Variants in CCL19 observed in about 807,000 individuals in gnomAD.
CCL19 encodes the protein C-C motif chemokine 19.
In CCL19, 5 loss-of-function variants were observed where a neutral mutation model predicts 9.7. The observed-to-expected ratio is 0.51, with a 90% CI of 0.27 to 1.08. The LOEUF is 1.08. Ranked by LOEUF, CCL19 falls within the 50% of genes least tolerant of loss-of-function variation. The pLI, the probability that CCL19 is intolerant of heterozygous loss-of-function variation, is 0.12. For synonymous variants in CCL19, 40 were observed against 47.4 expected (o/e 0.84, Z 0.64); for missense variants, 90 against 122.5 (o/e 0.73, Z 1.25).
At chr9:34,690,183 A>T (rs774002446) in intron 2 of CCL19, 27 bp downstream of exon 2, 4 of 1,613,034 alleles carry the variant, frequency 2.5e-6, no homozygotes, top group South Asian at 2.2e-5. Flanking sequence ...ACGGGAGATG[A>T]GGCTAGACAC....
Position 34,689,772 on chromosome 9 carries a change from TC to T in CCL19, c.*46del, listed in dbSNP as rs1381444726. On this transcript the variant is annotated 3_prime_UTR_variant, in exon 4 of 4. Coordinates refer to ENST00000311925, the MANE Select transcript of CCL19 (RefSeq NM_006274.3). This position sits in a 1 kb window ranked among gnomAD's most constrained non-coding sequence, Gnocchi z 4.1. The stretch of plus-strand genomic sequence containing the variant: ...TCGGTTCCCCAGGTTAGGTAATAAT[TC>T]ACAATGCTTGACTCGGACTCCGGGC... 2 of 1,612,362 alleles carry T rather than the reference TC, an allele frequency of 1.2e-6. No homozygotes were observed. The highest frequency in any genetic ancestry group is 1.7e-6 in the Non-Finnish European group (2 of 1,178,740).
At position 34,689,833 on chromosome 9, in the gene CCL19, G is replaced by T; in HGVS notation, c.283C>A (p.Arg95Ser). 1.2e-6 allele frequency: 2 copies of T among 1,614,130 alleles called. No homozygotes were observed. The highest frequency in any genetic ancestry group is 1.7e-6 in the Non-Finnish European group (2 of 1,180,014). The change falls in exon 4 of 4, where the codon CGC becomes AGC. Residue 95 changes from arginine to serine, a missense_variant. Physicochemically the swap from Arg to Ser is moderately radical, Grantham distance 110 (BLOSUM62 -1). Coordinates refer to ENST00000311925, the MANE Select transcript of CCL19 (RefSeq NM_006274.3). The surrounding 1 kb of genome is among the most constrained non-coding windows in gnomAD (Gnocchi z 4.1). ...ACGGTCATAGGTTAACTGCTGCGGCGCTTCATCTAGAGGAGGAAGGAGAGG... is the reference window on the plus strand; with the variant it reads ...ACGGTCATAGGTTAACTGCTGCGGCTCTTCATCTAGAGGAGGAAGGAGAGG... The part of the protein sequence containing the change: ...RLQRTSAKMK[R>S]RSS
chr9:34,689,714 A>T lies in CCL19; in HGVS notation c.*105T>A. ...TCCTGGCTGGTCAGGTCTGGTGCAGAGGAGCTGGAAGCCTGGTCCTTCCTT... is the reference window on the plus strand; with the variant it reads ...TCCTGGCTGGTCAGGTCTGGTGCAGTGGAGCTGGAAGCCTGGTCCTTCCTT... On this transcript the variant is annotated 3_prime_UTR_variant, in exon 4 of 4. Coordinates refer to ENST00000311925, the MANE Select transcript of CCL19 (RefSeq NM_006274.3). This position sits in a 1 kb window ranked among gnomAD's most constrained non-coding sequence, Gnocchi z 4.1. 7.4e-7 allele frequency: 1 copy of T among 1,350,896 alleles called. No homozygotes were observed. Among genetic ancestry groups the T allele is most frequent in the South Asian group, 1.3e-5 (1 of 79,398 alleles). 83.7% of individuals were successfully genotyped at this position (1,350,896 alleles called of 1,614,324 possible).
At chr9:34,690,377 A>G in intron 1 of CCL19, 35 bp from the exon 2 acceptor site, 4 of 1,604,650 alleles carry the variant, frequency 2.5e-6, no homozygotes, top group Non-Finnish European at 3.4e-6. Context: ...GGACACAGGG[A>G]CCCTTGAGGG....
Position 34,691,172 on chromosome 9 carries a change from G to A in CCL19, c.-33C>T. The A allele has an allele frequency of 1.9e-6, 3 of 1,608,006 alleles. 1 individual carries two copies. The South Asian group carries it at 3.3e-5, about 18-fold the overall frequency. On this transcript the variant is annotated 5_prime_UTR_variant, in exon 1 of 4. Transcript: ENST00000311925. ...GAACAGAGGCAGGCCAACGGTGAAT[G>A]TGTGAGCGCCAGCTGTCTGGGTGTG...
At chr9:34,690,423 CCTGTGTGT>C (rs1270227373) in intron 1 of CCL19, 81 bp from the exon 2 acceptor site, 5 of 913,184 alleles carry the variant, frequency 5.5e-6, no homozygotes, top group East Asian at 3.3e-5. Flanking sequence ...ATTGAGGACA[CCTGTGTGT>C]GTGTGTGTGT....
intron 1 of CCL19, 82 bp from the exon 2 acceptor site, chr9:34,690,424 C>CTGTGTGTGTGTG (rs74180568): frequency 0.011 from 6,709 of 607,368 alleles, 59 homozygotes; most frequent in South Asian, 0.018. Context: ...TTGAGGACAC[C>CTGTGTGTGTGTG]TGTGTGTGTG....
In CCL19 at chr9:34,689,602, G is replaced by C; in HGVS notation, c.*217C>G. ...TAAACACCAGGCGGCTTTATTGGTA[G>C]CATTGCAATCTGGGGGTGGAGCAGC... is the stretch of plus-strand genomic sequence containing the variant. On this transcript the variant is annotated 3_prime_UTR_variant, in exon 4 of 4. Transcript: ENST00000311925. The surrounding 1 kb of genome is among the most constrained non-coding windows in gnomAD (Gnocchi z 4.1). 1.7e-6 allele frequency: 1 copy of C among 573,534 alleles called. No individual in the cohort carries two copies. The highest frequency in any genetic ancestry group is 3.1e-6 in the Non-Finnish European group (1 of 322,780). 35.5% of individuals were successfully genotyped at this position (573,534 alleles called of 1,614,324 possible). A position where few individuals can be genotyped will look rare whatever the true frequency, so the allele number is the denominator to read the frequency against.
intron 2 of CCL19, 27 bp downstream of exon 2, chr9:34,690,183 A>G (rs774002446): frequency 6.2e-7 from 1 of 1,613,152 alleles, no homozygotes; most frequent in Non-Finnish European, 8.5e-7. Context: ...ACGGGAGATG[A>G]GGCTAGACAC....
intron 1 of CCL19, among the ~76,000 whole-genome samples, chr9:34,690,814 C>T (rs3176813): frequency 0.11 from 16,662 of 152,116 alleles, 1,041 homozygotes; most frequent in Admixed American, 0.17. Flanking sequence ...GCCTGGGAAA[C>T]GGAGGCAGCA....
chr9:34,690,052 C>A (rs1182980902), intron 2 of CCL19, 29 bp from the exon 3 acceptor site: 1 of 1,607,484 alleles, frequency 6.2e-7, no homozygotes, highest in Non-Finnish European at 8.5e-7. Context: ...GAGAATGGAG[C>A]CCCAGAATCC....
chr9:34,690,125 G>A, intron 2 of CCL19, 85 bp downstream of exon 2: 1 of 1,588,628 alleles, frequency 6.3e-7, no homozygotes, highest in Non-Finnish European at 8.6e-7. Context: ...GGTTGGGCTT[G>A]GCATGGAGAA....
Position 34,689,915 on chromosome 9 carries a change from G to A in CCL19, c.276+15C>T. The A allele has an allele frequency of 6.2e-7, 1 of 1,613,816 alleles. No individual in the cohort carries two copies. The highest frequency in any genetic ancestry group is 8.5e-7 in the Non-Finnish European group (1 of 1,179,682). On this transcript the variant is annotated intron_variant, in intron 3 of 3. Transcript: ENST00000311925. The surrounding 1 kb of genome is among the most constrained non-coding windows in gnomAD (Gnocchi z 4.1). The stretch of plus-strand genomic sequence containing the variant: ...CTCAGAGGGAGGAGACAGGGCCAGG[G>A]AGGGCCAGGCTTGCCTTGGCTGAGG...
At position 34,689,730 on chromosome 9, in the gene CCL19, G is replaced by A. The variant is rs1821772335; in HGVS notation, c.*89C>T. The A allele has an allele frequency of 2.7e-6, 4 of 1,495,494 alleles. No homozygotes were observed. The South Asian group carries it at 3.5e-5, about 13-fold the overall frequency. The allele number at this position is 1,495,494 out of a possible 1,614,324, so 92.6% of individuals were successfully genotyped here. A position where few individuals can be genotyped will look rare whatever the true frequency, so the allele number is the denominator to read the frequency against. ...CTGGTGCAGAGGAGCTGGAAGCCTG[G>A]TCCTTCCTTCTGGTCCTCGGTTCCC... On this transcript the variant is annotated 3_prime_UTR_variant, in exon 4 of 4. Transcript: ENST00000311925. This position sits in a 1 kb window ranked among gnomAD's most constrained non-coding sequence, Gnocchi z 4.1.
At chr9:34,690,374 G>A (rs1196924439) in intron 1 of CCL19, 32 bp from the exon 2 acceptor site, 1 of 1,610,472 alleles carries the variant, frequency 6.2e-7, no homozygotes, top group South Asian at 1.1e-5. Context: ...ACAGGACACA[G>A]GGACCCTTGA....
In CCL19 at chr9:34,691,225, G is replaced by T; in HGVS notation, c.-86C>A. ...CAGGATCTGTGTGAGGCTGCAGGGC[G>T]ACTGGGATGCAGGGGTGAAATGCAA... On this transcript the variant is annotated 5_prime_UTR_variant, in exon 1 of 4. Coordinates refer to ENST00000311925, the MANE Select transcript of CCL19 (RefSeq NM_006274.3). 1 of 1,215,116 alleles carries T rather than the reference G, an allele frequency of 8.2e-7. No homozygotes were observed. The highest frequency in any genetic ancestry group is 1.3e-5 in the South Asian group (1 of 76,612). The allele number at this position is 1,215,116 out of a possible 1,614,324, so 75.3% of individuals were successfully genotyped here.
Position 34,690,003 on chromosome 9 carries a change from C to T in CCL19, c.203G>A (p.Arg68His), listed in dbSNP as rs200320850. ...CTGGTCTGGGGGTGCACAGAGCTGG[C>T]GGCCCCTCAGTGTGGTGAACCTGGG... ...PAVVFTTLRGRQLCAPPDQPW... is the reference protein window; with the variant it reads ...PAVVFTTLRGHQLCAPPDQPW... The change falls in exon 3 of 4, where the codon CGC becomes CAC. Residue 68 changes from arginine (R) to histidine (H), a missense_variant. Physicochemically the swap from Arg to His is conservative, Grantham distance 29. Transcript: ENST00000311925. 200 of 1,613,850 alleles carry T rather than the reference C, an allele frequency of 1.2e-4. No homozygotes were observed. The highest frequency in any genetic ancestry group is 6.5e-4 in the Admixed American group (39 of 59,984).
At chr9:34,690,699 G>A (rs748488603) in intron 1 of CCL19, among the ~76,000 whole-genome samples, 1 of 152,054 alleles carries the variant, frequency 6.6e-6, no homozygotes, top group African/African-American at 2.4e-5. Context: ...AGGGGCGTGG[G>A]GTAGGGTAGG....
Position 34,689,571 on chromosome 9 carries a change from T to C in CCL19, c.*248A>G. 1 of 515,178 alleles carries C rather than the reference T, an allele frequency of 1.9e-6. No homozygotes were observed. Among genetic ancestry groups the C allele is most frequent in the Non-Finnish European group, 3.4e-6 (1 of 291,128 alleles). The allele number at this position is 515,178 out of a possible 1,614,324, so 31.9% of individuals were successfully genotyped here. ...AAATCTGTAACAGGTTGTGATCAATTAGTTGTAAACACCAGGCGGCTTTAT... is the reference window on the plus strand; with the variant it reads ...AAATCTGTAACAGGTTGTGATCAATCAGTTGTAAACACCAGGCGGCTTTAT... On this transcript the variant is annotated 3_prime_UTR_variant, in exon 4 of 4. Transcript: ENST00000311925. The surrounding 1 kb of genome is among the most constrained non-coding windows in gnomAD (Gnocchi z 4.1).
Sources: allele counts gnomAD v4.1 joint callset (sites outside exome capture counted in the v4.1 genomes callset), GRCh38; gene constraint gnomAD v4.1.1; non-coding constraint Gnocchi (gnomAD v3.1); transcripts MANE v1.5; gene names NCBI Gene and HGNC (gene_info 2026-07-23, HGNC 2026-07-21).